Variants in NDEL1 observed in about 807,000 individuals in gnomAD.
NDEL1 encodes the protein nuclear distribution protein nudE-like 1.
Under a neutral mutation model 45.7 loss-of-function variants are expected in NDEL1, and 9 were observed. The observed-to-expected ratio is 0.20, with a 90% confidence interval of 0.12 to 0.34. The LOEUF is 0.34. NDEL1 is among the 10% of genes least tolerant of loss of function. The pLI, the probability that NDEL1 is intolerant of heterozygous loss-of-function variation, is 1.00. For synonymous variants in NDEL1, 133 were observed against 158.6 expected, an observed-to-expected ratio of 0.84 and a Z score of 1.21; for missense variants, 306 against 406.2, an observed-to-expected ratio of 0.75 and a Z score of 2.12.
Position 8,467,285 on chromosome 17 carries a change from C to CAT in NDEL1, c.*264_*265dup. The CAT allele has an allele frequency of 1.7e-6, 1 of 578,680 alleles. No homozygotes were observed. The allele number at this position is 578,680 out of a possible 1,614,324, so 35.8% of individuals were successfully genotyped here. On this transcript the variant is annotated 3_prime_UTR_variant, in exon 9 of 9. Transcript: ENST00000334527. This position sits in a 1 kb window ranked among gnomAD's most constrained non-coding sequence, Gnocchi z 6.3. ...CACTTTTGTGGGTCGCAAGGTGATACATACGTGTATTACTTGGTCACTGGA... is the reference window on the plus strand; with the variant it reads ...CACTTTTGTGGGTCGCAAGGTGATACATATACGTGTATTACTTGGTCACTGGA...
chr17:8,448,964 C>CT (rs1260396575), intron 5 of NDEL1, among the ~76,000 whole-genome samples: 3 of 152,202 alleles, frequency 2.0e-5, no homozygotes, highest in Non-Finnish European at 1.5e-5. Flanking sequence ...ACCTTACTGT[C>CT]CCTATGCCAG....
intron 2 of NDEL1, 148 bp from the exon 3 acceptor site, chr17:8,445,563 G>A: frequency 1.3e-6 from 1 of 758,480 alleles, no homozygotes; most frequent in Non-Finnish European, 2.0e-6. Flanking sequence ...AATATATACA[G>A]TAAGAGATGC....
At chr17:8,422,525 CT>C (rs1035941163) in intron 1 of NDEL1, among the ~76,000 whole-genome samples, 97 of 152,080 alleles carry the variant, frequency 6.4e-4, no homozygotes, top group African/African-American at 2.1e-3. Flanking sequence ...GTCTTCTCTT[CT>C]GCCAGGCCTG....
At chr17:8,470,240 TC>T (rs1250195794), downstream of NDEL1, among the ~76,000 whole-genome samples, 2 of 152,088 alleles carry the variant, frequency 1.3e-5, no homozygotes, top group Non-Finnish European at 1.5e-5. The surrounding 1 kb of genome is among the most constrained non-coding windows in gnomAD (Gnocchi z 4.2). Flanking sequence ...TGGGTTTTCT[TC>T]CTGGAGCTGC....
At chr17:8,422,829 C>A (rs1908736880) in intron 1 of NDEL1, among the ~76,000 whole-genome samples, 1 of 151,530 alleles carries the variant, frequency 6.6e-6, no homozygotes, top group Admixed American at 6.6e-5. Context: ...CTCTGTCTCC[C>A]AGGTTCAAGC....
intron 1 of NDEL1, among the ~76,000 whole-genome samples, chr17:8,442,428 T>C (rs1211059734): frequency 6.6e-6 from 1 of 152,066 alleles, no homozygotes; most frequent in Non-Finnish European, 1.5e-5. Context: ...TTTATTTATT[T>C]ATTTTAGAGA....
chr17:8,431,370 C>G (rs1908995238), upstream of NDEL1: 1 of 152,254 alleles, frequency 6.6e-6, no homozygotes, highest in Admixed American at 6.5e-5. Flanking sequence ...GTAAGACCTA[C>G]TTGAGTTTAA....
chr17:8,454,537 T>C (rs1245594073), intron 6 of NDEL1, among the ~76,000 whole-genome samples: 1 of 152,224 alleles, frequency 6.6e-6, no homozygotes, highest in East Asian at 1.9e-4. Context: ...TAGGAATCTC[T>C]TTTCCAGAAA....
In NDEL1 at chr17:8,454,857, C is replaced by T; in HGVS notation, c.762C>T (p.Asn254=). ...LTPSARISAL[N]IVGDLLRKVG... ...CCTCTGCTAGGATATCAGCACTAAA[C>T]ATCGTGGGGGATCTCTTACGGAAAG... The change falls in exon 7 of 9, where the codon AAC becomes AAT. Residue 254 remains asparagine, a synonymous_variant. Transcript: ENST00000334527. 4 of 1,613,896 alleles carry T rather than the reference C, an allele frequency of 2.5e-6. No individual in the cohort carries two copies. Among genetic ancestry groups the T allele is most frequent in the Non-Finnish European group, 3.4e-6 (4 of 1,179,870 alleles).
At chr17:8,461,034 CTAAGGT>C (rs1327151013) in intron 8 of NDEL1, 5 of 152,044 alleles carry the variant, frequency 3.3e-5, no homozygotes, top group Admixed American at 3.3e-4. Flanking sequence ...ACGGTGTTGC[CTAAGGT>C]AGTTGTTATT....
intron 1 of NDEL1, among the ~76,000 whole-genome samples, chr17:8,415,367 C>T (rs528696592): frequency 4.6e-5 from 7 of 151,862 alleles, no homozygotes; most frequent in Admixed American, 2.0e-4. Context: ...TTTTTAGAGA[C>T]GAGGTTTTGC....
chr17:8,413,313 A>G (rs1448815327), intron 1 of NDEL1: 1 of 152,496 alleles, frequency 6.6e-6, no homozygotes, highest in Non-Finnish European at 1.5e-5. Context: ...TCTGGGCCAC[A>G]TGAGGGTTTG....
chr17:8,447,713 G>C (rs6503117), intron 4 of NDEL1, among the ~76,000 whole-genome samples: 146,986 of 152,314 alleles, frequency 0.97, 71,145 homozygotes, highest in East Asian at 1. Context: ...TTTTATGCAT[G>C]TGTAATTAGT....
At chr17:8,449,461 T>TG (rs1910321196) in intron 5 of NDEL1, among the ~76,000 whole-genome samples, 1 of 152,198 alleles carries the variant, frequency 6.6e-6, no homozygotes, top group African/African-American at 2.4e-5. Flanking sequence ...AGTCCAGTAG[T>TG]GTTAAGTATA....
intron 1 of NDEL1, among the ~76,000 whole-genome samples, chr17:8,427,381 G>A (rs577509835): frequency 1.3e-5 from 2 of 152,206 alleles, no homozygotes; most frequent in Admixed American, 6.5e-5. Flanking sequence ...TTTTTGAATC[G>A]GACATGAGTT....
intron 1 of NDEL1, among the ~76,000 whole-genome samples, chr17:8,422,641 T>C (rs1013044869): frequency 6.6e-6 from 1 of 152,212 alleles, no homozygotes; most frequent in African/African-American, 2.4e-5. Context: ...CTCTATAGTA[T>C]AGGCACTCCT....
chr17:8,463,838 A>G (rs1307465949), intron 8 of NDEL1, among the ~76,000 whole-genome samples: 1 of 152,234 alleles, frequency 6.6e-6, no homozygotes, highest in African/African-American at 2.4e-5. Context: ...GGACGTGTGT[A>G]AGATCTGCCT....
intron 1 of NDEL1, among the ~76,000 whole-genome samples, chr17:8,428,298 C>T (rs1283430415): frequency 6.7e-6 from 1 of 149,892 alleles, no homozygotes; most frequent in Non-Finnish European, 1.5e-5. Flanking sequence ...AAAACCACTT[C>T]TCGCCTCAAG....
At chr17:8,447,624 T>G (rs897897948) in intron 4 of NDEL1, among the ~76,000 whole-genome samples, 1 of 152,228 alleles carries the variant, frequency 6.6e-6, no homozygotes, top group East Asian at 1.9e-4. Flanking sequence ...TAATACTGAC[T>G]GATGAATTTT....
Sources: allele counts gnomAD v4.1 joint callset (sites outside exome capture counted in the v4.1 genomes callset), GRCh38; gene constraint gnomAD v4.1.1; non-coding constraint Gnocchi (gnomAD v3.1); transcripts MANE v1.5; gene names NCBI Gene and HGNC (gene_info 2026-07-23, HGNC 2026-07-21).